KCND2: variants seen among roughly 807,000 people sequenced by gnomAD.
The protein encoded by KCND2 is A-type voltage-gated potassium channel KCND2.
In KCND2, 16 loss-of-function variants were observed where a neutral mutation model predicts 54.4. That is an observed-to-expected ratio of 0.29 (90% CI 0.20 to 0.45). KCND2 has a LOEUF of 0.45. Ranked by LOEUF, KCND2 falls within the 20% of genes least tolerant of loss-of-function variation. The pLI is 1.00. For synonymous variants in KCND2, 317 were observed against 310.7 expected (o/e 1.02, Z -0.21); for missense variants, 486 against 824.2 (o/e 0.59, Z 5.02).
At chr7:120,322,101 C>T (rs1245305586) in intron 1 of KCND2, among the ~76,000 whole-genome samples, 2 of 151,484 alleles carry the variant, frequency 1.3e-5, no homozygotes, top group Middle Eastern at 3.2e-3. Flanking sequence ...ATCACAAATA[C>T]CTTTAAATTT....
At position 120,511,314 on chromosome 7, in the gene KCND2, A is replaced by G. The variant is rs559681652; in HGVS notation, c.1116-221589A>G. Among the ~76,000 whole-genome samples the G allele has an allele frequency of 1.5e-4, 23 of 152,166 alleles. No homozygotes were observed. The South Asian group carries it at 4.8e-3, about 32-fold the overall frequency. ...GTTTTTCCCCAAAAGACTTAACACT[A>G]TCTAACATATGACTCTACATTAAAT... On this transcript the variant is annotated intron_variant, in intron 1 of 5. Coordinates refer to ENST00000331113, the MANE Select transcript of KCND2 (RefSeq NM_012281.3).
intron 1 of KCND2, among the ~76,000 whole-genome samples, chr7:120,548,711 G>A (rs1358073275): frequency 6.6e-6 from 1 of 152,156 alleles, no homozygotes; most frequent in Non-Finnish European, 1.5e-5. Flanking sequence ...CAGGAAGTAT[G>A]TTATCAGATT....
At chr7:120,589,477 G>A (rs1792643309) in intron 1 of KCND2, among the ~76,000 whole-genome samples, 1 of 152,084 alleles carries the variant, frequency 6.6e-6, no homozygotes, top group African/African-American at 2.4e-5. Flanking sequence ...TATTATAAGT[G>A]TAAGACTTGT....
chr7:120,734,302 C>A (rs1792844530), intron 2 of KCND2, among the ~76,000 whole-genome samples: 1 of 152,082 alleles, frequency 6.6e-6, no homozygotes, highest in South Asian at 2.1e-4. Context: ...CATAGAGAAA[C>A]CTTTAGGCTA....
At chr7:120,324,302 A>C (rs1309154032) in intron 1 of KCND2, among the ~76,000 whole-genome samples, 1 of 149,158 alleles carries the variant, frequency 6.7e-6, no homozygotes, top group Non-Finnish European at 1.5e-5. Flanking sequence ...TCTTTAGTTT[A>C]ATTAGATCCC....
chr7:120,336,489 A>G (rs1004385206), intron 1 of KCND2, among the ~76,000 whole-genome samples: 14 of 152,126 alleles, frequency 9.2e-5, no homozygotes, highest in African/African-American at 3.1e-4. Flanking sequence ...TATATTATAG[A>G]GTTGAATTTT....
intron 1 of KCND2, among the ~76,000 whole-genome samples, chr7:120,606,334 C>T (rs1216209639): frequency 6.6e-6 from 1 of 152,032 alleles, no homozygotes; most frequent in Non-Finnish European, 1.5e-5. Context: ...TTTTCTGAGC[C>T]ATCTTTTCAT....
intron 1 of KCND2, among the ~76,000 whole-genome samples, chr7:120,371,485 A>G (rs975821603): frequency 7.2e-5 from 11 of 152,044 alleles, no homozygotes; most frequent in Admixed American, 6.6e-4. Flanking sequence ...AATTTGATTG[A>G]TAAGTTTCCT....
At chr7:120,620,222 T>C (rs149264910) in intron 1 of KCND2, among the ~76,000 whole-genome samples, 48 of 151,994 alleles carry the variant, frequency 3.2e-4, no homozygotes, top group South Asian at 3.1e-3. Flanking sequence ...ATATGAAAAA[T>C]TGACAGAATT....
At chr7:120,660,513 T>A (rs1791852713) in intron 1 of KCND2, among the ~76,000 whole-genome samples, 1 of 152,232 alleles carries the variant, frequency 6.6e-6, no homozygotes, top group Non-Finnish European at 1.5e-5. Flanking sequence ...TTAAGTTTGT[T>A]TAGCCTTAGT....
At chr7:120,465,280 A>G (rs1802350515) in intron 1 of KCND2, among the ~76,000 whole-genome samples, 1 of 152,162 alleles carries the variant, frequency 6.6e-6, no homozygotes, top group African/African-American at 2.4e-5. Flanking sequence ...TTTCATTTCT[A>G]TGTAGCGAAG....
At chr7:120,696,431 G>A (rs1584887365) in intron 1 of KCND2, among the ~76,000 whole-genome samples, 1 of 152,234 alleles carries the variant, frequency 6.6e-6, no homozygotes, top group African/African-American at 2.4e-5. Flanking sequence ...TGACTTCTTA[G>A]GTTGTACTGC....
intron 1 of KCND2, among the ~76,000 whole-genome samples, chr7:120,602,744 T>C (rs1182464822): frequency 1.3e-5 from 2 of 152,228 alleles, no homozygotes; most frequent in East Asian, 3.8e-4. Context: ...AGACATTGGC[T>C]GAGACTGTTA....
At chr7:120,719,153 T>C (rs1792638725) in intron 1 of KCND2, among the ~76,000 whole-genome samples, 1 of 152,192 alleles carries the variant, frequency 6.6e-6, no homozygotes, top group South Asian at 2.1e-4. Flanking sequence ...ACCATTTACT[T>C]TAACTTATTT....
chr7:120,617,106 C>T (rs760959835), intron 1 of KCND2, among the ~76,000 whole-genome samples: 4 of 152,038 alleles, frequency 2.6e-5, no homozygotes. Flanking sequence ...CTAGGTGTGC[C>T]GCATGGGTAA....
chr7:120,433,512 A>T (rs1801822829), intron 1 of KCND2, among the ~76,000 whole-genome samples: 2 of 152,196 alleles, frequency 1.3e-5, no homozygotes, highest in South Asian at 4.1e-4. Flanking sequence ...CCATACAGAC[A>T]CATCTCACTG....
intron 1 of KCND2, among the ~76,000 whole-genome samples, chr7:120,359,577 G>A (rs149894606): frequency 1.1e-4 from 16 of 152,114 alleles, no homozygotes; most frequent in Admixed American, 2.0e-4. Flanking sequence ...TATCTTTTCC[G>A]AAAGAGGAAT....
chr7:120,489,855 C>T (rs752776915), intron 1 of KCND2, among the ~76,000 whole-genome samples: 29 of 152,078 alleles, frequency 1.9e-4, no homozygotes, highest in African/African-American at 5.8e-4. Flanking sequence ...ATTGTGGGCC[C>T]GCCATGATAA....
chr7:120,582,146 T>TG (rs1245574736), intron 1 of KCND2, among the ~76,000 whole-genome samples: 3 of 152,168 alleles, frequency 2.0e-5, no homozygotes, highest in Non-Finnish European at 2.9e-5. Context: ...TCTCATTAGA[T>TG]TTTTTCAGAA....
Sources: gnomAD v4.1 joint callset for allele counts (sites outside exome capture counted in the v4.1 genomes callset) on GRCh38, gnomAD v4.1.1 for gene constraint, MANE v1.5 for transcripts, NCBI Gene and HGNC (gene_info 2026-07-23, HGNC 2026-07-21) for gene names.